The following SLC13A1 variants were observed in gnomAD, a reference collection of about 807,000 sequenced individuals.
The protein encoded by SLC13A1 is solute carrier family 13 member 1, also known as Na(+)/sulfate cotransporter.
SLC13A1 carries 65 observed loss-of-function variants against 70.0 expected under a neutral mutation model. The observed-to-expected ratio is 0.93, with a 90% CI of 0.76 to 1.14. The LOEUF is 1.14. Ranked by LOEUF, SLC13A1 falls within the 50% of genes most tolerant of loss-of-function variation. The pLI, the probability that SLC13A1 is intolerant of heterozygous loss-of-function variation, is 0.00. For missense variants in SLC13A1, 726 were observed against 717.8 expected (o/e 1.01, Z -0.13); for synonymous variants, 275 against 250.5 (o/e 1.10, Z -0.92).
intron 6 of SLC13A1, among the ~76,000 whole-genome samples, chr7:123,156,681 T>A (rs1794727394): frequency 6.6e-6 from 1 of 152,184 alleles, no homozygotes; most frequent in Non-Finnish European, 1.5e-5. Context: ...AAATTTTTTT[T>A]ATAATGGATT....
chr7:123,141,732 A>G (rs749848551), intron 7 of SLC13A1, among the ~76,000 whole-genome samples: 5 of 151,988 alleles, frequency 3.3e-5, no homozygotes, highest in Non-Finnish European at 7.4e-5. Context: ...TTTGCCTGAT[A>G]TGAGTATAGT....
At chr7:123,156,263 T>A (rs1433309676) in intron 6 of SLC13A1, among the ~76,000 whole-genome samples, 1 of 152,136 alleles carries the variant, frequency 6.6e-6, no homozygotes, top group Non-Finnish European at 1.5e-5. Flanking sequence ...GTTTATATAA[T>A]TTGGATTATA....
At chr7:123,133,752 G>C (rs1328080925) in intron 8 of SLC13A1, among the ~76,000 whole-genome samples, 1 of 151,914 alleles carries the variant, frequency 6.6e-6, no homozygotes, top group Non-Finnish European at 1.5e-5. Flanking sequence ...GGATTGTGTC[G>C]ATATCCTGAC....
At chr7:123,183,898 C>G (rs1408779299) in intron 1 of SLC13A1, among the ~76,000 whole-genome samples, 1 of 152,058 alleles carries the variant, frequency 6.6e-6, no homozygotes, top group Non-Finnish European at 1.5e-5. Context: ...ATTTGCAGTT[C>G]AAATTTATGT....
chr7:123,117,440 G>A, intron 14 of SLC13A1, 31 bp downstream of exon 14: 1 of 1,603,032 alleles, frequency 6.2e-7, no homozygotes, highest in Non-Finnish European at 8.5e-7. Context: ...ATGTGTATTG[G>A]ATTTGATAGT....
chr7:123,199,706 C>G, intron 1 of SLC13A1, 142 bp downstream of exon 1: 1 of 605,146 alleles, frequency 1.7e-6, no homozygotes, highest in South Asian at 2.2e-5. Flanking sequence ...GCCAAAACAT[C>G]ATGTACAACC....
rs1462869695 is a variant in SLC13A1, at chr7:123,117,568, G to T, written c.1553C>A (p.Pro518His). ...TGCAAATGAAGTACACAGAGTAGAA[G>T]GTATCAGAATATAAAGAGGGTTCAC... ...IHVNPLYILI[P>H]STLCTSFAFL... Residue 518 changes from proline to histidine, a missense_variant, in exon 14 of 15, where the codon CCT becomes CAT. By Grantham distance (77) the Pro-to-His change is moderately conservative. Coordinates refer to ENST00000194130, the MANE Select transcript of SLC13A1 (RefSeq NM_022444.4). The T allele has an allele frequency of 6.2e-7, 1 of 1,611,028 alleles. No individual in the cohort carries two copies. Among genetic ancestry groups the T allele is most frequent in the Admixed American group, 1.7e-5 (1 of 59,892 alleles).
intron 3 of SLC13A1, among the ~76,000 whole-genome samples, 185 bp downstream of exon 3, chr7:123,171,583 T>G (rs147641390): frequency 6.6e-6 from 1 of 151,172 alleles, no homozygotes; most frequent in East Asian, 1.9e-4. Flanking sequence ...GTGAAAGTTG[T>G]TTTTTTTTCC....
intron 1 of SLC13A1, among the ~76,000 whole-genome samples, chr7:123,195,527 G>A (rs1057478711): frequency 4.6e-5 from 7 of 151,154 alleles, no homozygotes; most frequent in African/African-American, 1.7e-4. Context: ...CTCCTTCTAG[G>A]GGATACTTCA....
At chr7:123,132,833 G>T (rs1243251957) in intron 8 of SLC13A1, among the ~76,000 whole-genome samples, 1 of 152,156 alleles carries the variant, frequency 6.6e-6, no homozygotes, top group Admixed American at 6.5e-5. Context: ...AAGGAGTATT[G>T]TTAAATGAGT....
intron 2 of SLC13A1, among the ~76,000 whole-genome samples, chr7:123,172,340 G>T (rs374040834): frequency 1.3e-5 from 2 of 152,160 alleles, no homozygotes; most frequent in Non-Finnish European, 2.9e-5. Flanking sequence ...TTTTTATAAG[G>T]CCAGGCATGG....
At chr7:123,125,299 A>C (rs1331899827) in intron 11 of SLC13A1, among the ~76,000 whole-genome samples, 3 of 152,132 alleles carry the variant, frequency 2.0e-5, no homozygotes, top group African/African-American at 7.2e-5. Context: ...TGAGTTTACC[A>C]TGGGTCAAAT....
intron 9 of SLC13A1, 93 bp from the exon 10 acceptor site, chr7:123,129,039 G>A: frequency 2.4e-6 from 2 of 845,924 alleles, no homozygotes; most frequent in South Asian, 2.8e-5. Flanking sequence ...GATCGCAGTA[G>A]AACACTAAAC....
intron 12 of SLC13A1, among the ~76,000 whole-genome samples, 189 bp from the exon 13 acceptor site, chr7:123,119,431 T>A (rs994112736): frequency 6.6e-6 from 1 of 152,046 alleles, no homozygotes; most frequent in African/African-American, 2.4e-5. Context: ...CTTAGTCTTA[T>A]TTTGACACTG....
rs566659231 is a variant in SLC13A1 at position 123,198,551 on chromosome 7, G to A, written c.99+1297C>T. 6.4e-4 allele frequency among the ~76,000 whole-genome samples: 97 copies of A among 152,014 alleles called. 1 individual carries two copies. Among genetic ancestry groups the A allele is most frequent in the Admixed American group, 4.7e-3 (72 of 15,254 alleles). On this transcript the variant is annotated intron_variant, in intron 1 of 14. Transcript: ENST00000194130. ...TGCAGCTAGAAGATTGCACCTGGTGGGAGACAACCCACAGATGCCACAGCA... is the reference window on the plus strand; with the variant it reads ...TGCAGCTAGAAGATTGCACCTGGTGAGAGACAACCCACAGATGCCACAGCA...
chr7:123,176,208 C>T (rs1219792465), intron 2 of SLC13A1, among the ~76,000 whole-genome samples: 1 of 152,162 alleles, frequency 6.6e-6, no homozygotes, highest in African/African-American at 2.4e-5. Flanking sequence ...ACTTCACATT[C>T]TCTGTTTTCA....
chr7:123,174,821 A>G (rs1195177220), intron 2 of SLC13A1, among the ~76,000 whole-genome samples: 1 of 151,884 alleles, frequency 6.6e-6, no homozygotes, highest in Non-Finnish European at 1.5e-5. Flanking sequence ...CTATGTATTT[A>G]GTTCCCCAAA....
At chr7:123,169,397 TA>T in intron 3 of SLC13A1, 62 bp from the exon 4 acceptor site, 1 of 1,434,018 alleles carries the variant, frequency 7.0e-7, no homozygotes. Flanking sequence ...CCGTATTATT[TA>T]ACTGGAAGAT....
intron 1 of SLC13A1, among the ~76,000 whole-genome samples, chr7:123,187,022 C>G (rs1292111188): frequency 1.3e-5 from 2 of 151,288 alleles, no homozygotes; most frequent in Non-Finnish European, 2.9e-5. Context: ...TACTACTTTT[C>G]TACTTAAAAA....
Sources: gnomAD v4.1 joint callset for allele counts (sites outside exome capture counted in the v4.1 genomes callset) on GRCh38, gnomAD v4.1.1 for gene constraint, MANE v1.5 for transcripts, NCBI Gene and HGNC (gene_info 2026-07-23, HGNC 2026-07-21) for gene names.